Variants in TMEM178B observed in about 807,000 individuals in gnomAD.
TMEM178B encodes the protein transmembrane protein 178B.
TMEM178B carries 5 observed loss-of-function variants against 31.0 expected under a neutral mutation model. That is an observed-to-expected ratio of 0.16 (90% CI 0.08 to 0.34). TMEM178B has a LOEUF of 0.34. Ranked by LOEUF, TMEM178B falls within the 10% of genes least tolerant of loss-of-function variation. The pLI is 1.00. For missense variants in TMEM178B, 275 were observed against 400.3 expected, an observed-to-expected ratio of 0.69 and a Z score of 2.67; for synonymous variants, 164 against 164.0, an observed-to-expected ratio of 1.00 and a Z score of 0.00.
intron 2 of TMEM178B, among the ~76,000 whole-genome samples, chr7:141,224,013 T>C (rs1056744848): frequency 6.6e-6 from 1 of 152,190 alleles, no homozygotes; most frequent in Non-Finnish European, 1.5e-5. Context: ...TGGGAGATAA[T>C]TGAATCATGG....
chr7:141,462,736 A>C (rs1210773286), intron 3 of TMEM178B, among the ~76,000 whole-genome samples: 2 of 152,252 alleles, frequency 1.3e-5, no homozygotes, highest in Non-Finnish European at 2.9e-5. Context: ...GTGCTGGGAC[A>C]AGGAGTGGGC....
At chr7:141,280,655 C>G (rs977493310) in intron 2 of TMEM178B, among the ~76,000 whole-genome samples, 1 of 152,184 alleles carries the variant, frequency 6.6e-6, no homozygotes, top group Non-Finnish European at 1.5e-5. Context: ...TAATACAGCA[C>G]CACTAACAAA....
At chr7:141,262,185 C>T (rs1798023745) in intron 2 of TMEM178B, among the ~76,000 whole-genome samples, 1 of 152,108 alleles carries the variant, frequency 6.6e-6, no homozygotes. Flanking sequence ...AGTGGCTTCA[C>T]TTAGTGAATC....
intron 2 of TMEM178B, among the ~76,000 whole-genome samples, chr7:141,249,333 C>A (rs6464439): frequency 0.47 from 71,899 of 152,072 alleles, 17,427 homozygotes; most frequent in East Asian, 0.79. Flanking sequence ...TGCCTTCTGC[C>A]GTGATTGGGA....
intron 2 of TMEM178B, among the ~76,000 whole-genome samples, chr7:141,411,395 A>AT (rs1210038416): frequency 6.6e-6 from 1 of 152,134 alleles, no homozygotes; most frequent in Non-Finnish European, 1.5e-5. Context: ...CAAACTGTAT[A>AT]TTTTTTAATG....
chr7:141,460,129 G>A (rs1297194888), intron 3 of TMEM178B, among the ~76,000 whole-genome samples: 5 of 152,124 alleles, frequency 3.3e-5, no homozygotes, highest in African/African-American at 1.2e-4. Context: ...GTATTACTTT[G>A]TCAGGGATGC....
At chr7:141,108,950 G>T (rs1210083947) in intron 1 of TMEM178B, among the ~76,000 whole-genome samples, 1 of 152,174 alleles carries the variant, frequency 6.6e-6, no homozygotes, top group South Asian at 2.1e-4. Flanking sequence ...GAGGTGAAAG[G>T]CACTTCTTAC....
In TMEM178B at chr7:141,473,130, G is replaced by A. The variant is rs1802279221; in HGVS notation, c.*2344G>A. 6.6e-6 allele frequency: 1 copy of A among 152,180 alleles called. No homozygotes were observed. Among genetic ancestry groups the A allele is most frequent in the Admixed American group, 6.5e-5 (1 of 15,274 alleles). The allele number at this position is 152,180 out of a possible 1,614,324, so 9.4% of individuals were successfully genotyped here. A position where few individuals can be genotyped will look rare whatever the true frequency, so the allele number is the denominator to read the frequency against. On this transcript the variant is annotated 3_prime_UTR_variant, in exon 4 of 4. Transcript: ENST00000565468. ...TCTATGAGAAGGGAAATAATTTTCA[G>A]GAAAACCCAGTTTTTCAATTGGGCA... is the stretch of plus-strand genomic sequence containing the variant.
chr7:141,387,405 C>T (rs575836377), intron 2 of TMEM178B, among the ~76,000 whole-genome samples: 3 of 152,224 alleles, frequency 2.0e-5, no homozygotes, highest in Admixed American at 2.0e-4. Context: ...CCCTAAATGC[C>T]TCATAATTTA....
At chr7:141,184,707 G>A (rs2129184300) in intron 1 of TMEM178B, among the ~76,000 whole-genome samples, 1 of 152,174 alleles carries the variant, frequency 6.6e-6, no homozygotes, top group South Asian at 2.1e-4. Flanking sequence ...GAGCTTGGGG[G>A]AACTCCAAAG....
chr7:141,304,757 G>A (rs1798788149), intron 2 of TMEM178B, among the ~76,000 whole-genome samples: 1 of 152,112 alleles, frequency 6.6e-6, no homozygotes, highest in African/African-American at 2.4e-5. Context: ...CCACTCTGTG[G>A]CACAATTCTC....
chr7:141,144,432 A>C (rs1795820189), intron 1 of TMEM178B, among the ~76,000 whole-genome samples: 1 of 152,238 alleles, frequency 6.6e-6, no homozygotes, highest in Non-Finnish European at 1.5e-5. Context: ...AAAGAAGTAC[A>C]AATAGAGGCT....
At chr7:141,201,414 A>G (rs1052029486) in intron 1 of TMEM178B, among the ~76,000 whole-genome samples, 6 of 152,150 alleles carry the variant, frequency 3.9e-5, no homozygotes, top group Non-Finnish European at 8.8e-5. Flanking sequence ...GTTCAGCTGG[A>G]AGAAAAGGAG....
chr7:141,198,219 T>A (rs755460470), intron 1 of TMEM178B, among the ~76,000 whole-genome samples: 18 of 152,202 alleles, frequency 1.2e-4, no homozygotes, highest in Non-Finnish European at 2.1e-4. Context: ...TTGAATCCTC[T>A]CATTTTTATT....
At chr7:141,360,578 T>C (rs1379442529) in intron 2 of TMEM178B, among the ~76,000 whole-genome samples, 3 of 152,202 alleles carry the variant, frequency 2.0e-5, no homozygotes, top group Non-Finnish European at 2.9e-5. Context: ...TATGACGGAG[T>C]GGTCAAGAGA....
intron 3 of TMEM178B, among the ~76,000 whole-genome samples, chr7:141,446,122 T>G (rs1294320488): frequency 6.6e-6 from 1 of 152,230 alleles, no homozygotes; most frequent in South Asian, 2.1e-4. Flanking sequence ...TTACCTAATG[T>G]ACCTCACGTA....
chr7:141,288,472 C>T (rs768796346), intron 2 of TMEM178B, among the ~76,000 whole-genome samples: 8 of 141,618 alleles, frequency 5.6e-5, no homozygotes, highest in East Asian at 4.0e-4. Flanking sequence ...CATCCCTGTC[C>T]GGAAAAAAAT....
intron 2 of TMEM178B, among the ~76,000 whole-genome samples, chr7:141,288,235 C>T (rs548626853): frequency 1.6e-4 from 25 of 151,894 alleles, no homozygotes; most frequent in South Asian, 8.3e-4. Flanking sequence ...GTGATTGTCG[C>T]GCTGAAACTT....
intron 2 of TMEM178B, among the ~76,000 whole-genome samples, chr7:141,371,413 T>A (rs556324893): frequency 1.3e-5 from 2 of 152,300 alleles, no homozygotes; most frequent in Non-Finnish European, 2.9e-5. Flanking sequence ...GGCCCTCACC[T>A]GACGCAGACA....
Sources: allele counts gnomAD v4.1 joint callset (sites outside exome capture counted in the v4.1 genomes callset), GRCh38; gene constraint gnomAD v4.1.1; transcripts MANE v1.5; gene names NCBI Gene and HGNC (gene_info 2026-07-23, HGNC 2026-07-21).